The following GRID2 variants were observed in gnomAD, a reference collection of about 807,000 sequenced individuals.
GRID2 encodes the protein glutamate receptor ionotropic, delta-2.
A neutral mutation model predicts 114.8 loss-of-function variants in GRID2; 33 were observed. That is an observed-to-expected ratio of 0.29 (90% CI 0.22 to 0.38). GRID2 has a LOEUF of 0.38. GRID2 is among the 10% of genes least tolerant of loss of function. GRID2 has a pLI of 1.00. For missense variants in GRID2, 1,184 were observed against 1,257.7 expected (o/e 0.94, Z 0.89); for synonymous variants, 505 against 449.9 (o/e 1.12, Z -1.55).
chr4:93,676,891 G>A (rs566876722), intron 14 of GRID2, among the ~76,000 whole-genome samples: 28 of 152,158 alleles, frequency 1.8e-4, no homozygotes, highest in Admixed American at 9.8e-4. Context: ...CTGAGGTACC[G>A]GGTTCATCTC....
intron 2 of GRID2, among the ~76,000 whole-genome samples, chr4:92,844,834 T>C (rs764924102): frequency 1.1e-4 from 17 of 152,146 alleles, no homozygotes; most frequent in Non-Finnish European, 2.5e-4. Flanking sequence ...CATAGCGTAG[T>C]ATTAAAAAGC....
rs528107801 is a variant in GRID2, at chr4:92,387,062, C to T, written c.88+82318C>T. ...GGTCAAATATATCAAATTAAAAGCA[C>T]ACTATTGATGGTCCGAAGCTGTTTA... On this transcript the variant is annotated intron_variant, in intron 1 of 15. Coordinates refer to ENST00000282020, the MANE Select transcript of GRID2 (RefSeq NM_001510.4). Among the ~76,000 whole-genome samples, 8 of 151,938 alleles carry T rather than the reference C, an allele frequency of 5.3e-5. No individual in the cohort carries two copies. The East Asian group carries it at 1.5e-3, about 29-fold the overall frequency.
chr4:93,745,643 C>T (rs1731780404), intron 14 of GRID2, among the ~76,000 whole-genome samples: 1 of 152,038 alleles, frequency 6.6e-6, no homozygotes, highest in Admixed American at 6.6e-5. Context: ...TTGAAACATG[C>T]AAAACATAGT....
At chr4:92,873,538 T>C (rs1745422262) in intron 2 of GRID2, among the ~76,000 whole-genome samples, 1 of 152,136 alleles carries the variant, frequency 6.6e-6, no homozygotes, top group Admixed American at 6.5e-5. Context: ...ATGTCTAGGT[T>C]TACATTAGAT....
intron 7 of GRID2, among the ~76,000 whole-genome samples, chr4:93,225,915 T>A (rs1396273076): frequency 6.6e-6 from 1 of 152,012 alleles, no homozygotes; most frequent in Non-Finnish European, 1.5e-5. Context: ...CAGAAGAGCA[T>A]CACATGCTGA....
chr4:93,126,752 C>G (rs914880640), intron 4 of GRID2, among the ~76,000 whole-genome samples: 5 of 150,930 alleles, frequency 3.3e-5, no homozygotes, highest in Admixed American at 1.3e-4. Flanking sequence ...CGCCCGCTAC[C>G]ACGCCCGGCT....
intron 2 of GRID2, among the ~76,000 whole-genome samples, chr4:93,037,353 G>A (rs112313474): frequency 2.0e-5 from 3 of 152,302 alleles, no homozygotes; most frequent in African/African-American, 7.2e-5. Context: ...TTTGTCAGAT[G>A]GATAGAGTGC....
chr4:92,449,588 C>T (rs532464135), intron 1 of GRID2, among the ~76,000 whole-genome samples: 2 of 147,140 alleles, frequency 1.4e-5, no homozygotes, highest in Non-Finnish European at 3.0e-5. Flanking sequence ...GTCATAACTG[C>T]AAAAATATTC....
At chr4:93,021,812 T>G (rs1025141072) in intron 2 of GRID2, among the ~76,000 whole-genome samples, 1 of 146,462 alleles carries the variant, frequency 6.8e-6, no homozygotes, top group African/African-American at 2.5e-5. Flanking sequence ...ATAATAAATT[T>G]TAATATACTT....
chr4:93,499,261 C>A (rs1727865786), intron 12 of GRID2, among the ~76,000 whole-genome samples: 1 of 151,826 alleles, frequency 6.6e-6, no homozygotes, highest in Non-Finnish European at 1.5e-5. Flanking sequence ...TTTCTTTTCC[C>A]TTACCTTAAC....
chr4:92,758,142 G>A (rs1737822749), intron 2 of GRID2, among the ~76,000 whole-genome samples: 2 of 151,930 alleles, frequency 1.3e-5, no homozygotes, highest in South Asian at 4.1e-4. Context: ...ATCTGGTATT[G>A]GAAAAAAGAG....
At chr4:93,075,420 A>G (rs1673563405) in intron 2 of GRID2, among the ~76,000 whole-genome samples, 1 of 152,200 alleles carries the variant, frequency 6.6e-6, no homozygotes. Context: ...GAAAAGGGGA[A>G]GGGTGGCTGC....
chr4:92,894,644 T>C (rs745716661), intron 2 of GRID2, among the ~76,000 whole-genome samples: 3 of 152,132 alleles, frequency 2.0e-5, no homozygotes, highest in Admixed American at 6.6e-5. Context: ...GACTTCATGA[T>C]GAGTACTTAA....
rs544486641 is a variant in GRID2 at position 92,328,615 on chromosome 4, T to TGAATTTTCTTGTTTTGAAAGG, written c.88+23872_88+23892dup. Among the ~76,000 whole-genome samples, 222 of 152,200 alleles carry TGAATTTTCTTGTTTTGAAAGG rather than the reference T, an allele frequency of 1.5e-3. 2 individuals carry two copies. The highest frequency in any genetic ancestry group is 5.0e-3 in the African/African-American group (209 of 41,560). On this transcript the variant is annotated intron_variant, in intron 1 of 15. Coordinates refer to ENST00000282020, the MANE Select transcript of GRID2 (RefSeq NM_001510.4). ...CTTGTATTTTTCCCTGGATTGTTCTTGAATTTTCTTGTTTTGAAAGGTAAT... is the reference window on the plus strand; with the variant it reads ...CTTGTATTTTTCCCTGGATTGTTCTTGAATTTTCTTGTTTTGAAAGGGAATTTTCTTGTTTTGAAAGGTAAT...
intron 11 of GRID2, among the ~76,000 whole-genome samples, chr4:93,456,853 A>C (rs1723253428): frequency 6.6e-6 from 1 of 152,136 alleles, no homozygotes; most frequent in South Asian, 2.1e-4. Flanking sequence ...ATTTAATCAA[A>C]GATTAGTCTA....
At chr4:93,629,993 T>A (rs1341595461) in intron 14 of GRID2, among the ~76,000 whole-genome samples, 1 of 152,172 alleles carries the variant, frequency 6.6e-6, no homozygotes, top group African/African-American at 2.4e-5. Context: ...AAGCATCAAA[T>A]TCAGGTTCGG....
chr4:92,993,172 A>G (rs1318058257), intron 2 of GRID2, among the ~76,000 whole-genome samples: 1 of 149,334 alleles, frequency 6.7e-6, no homozygotes, highest in Non-Finnish European at 1.5e-5. Context: ...TTTTGTTTGT[A>G]CTTGATTTTG....
At chr4:93,244,111 T>C (rs1380252344) in intron 8 of GRID2, among the ~76,000 whole-genome samples, 1 of 152,092 alleles carries the variant, frequency 6.6e-6, no homozygotes, top group East Asian at 1.9e-4. Context: ...TGCTTATTTG[T>C]CTCATTTTTG....
intron 1 of GRID2, among the ~76,000 whole-genome samples, chr4:92,586,681 T>C (rs1560474177): frequency 6.6e-6 from 1 of 151,998 alleles, no homozygotes. Flanking sequence ...CTATAAATTG[T>C]AATTAAGTTG....
Sources: gnomAD v4.1 joint callset for allele counts (sites outside exome capture counted in the v4.1 genomes callset) on GRCh38, gnomAD v4.1.1 for gene constraint, MANE v1.5 for transcripts, NCBI Gene and HGNC (gene_info 2026-07-23, HGNC 2026-07-21) for gene names.